The following TRHDE variants were observed in gnomAD, a reference collection of about 807,000 sequenced individuals.
The protein encoded by TRHDE is thyrotropin releasing hormone degrading enzyme.
A neutral mutation model predicts 125.7 loss-of-function variants in TRHDE; 72 were observed. That is an observed-to-expected ratio of 0.57 (90% CI 0.47 to 0.70). The LOEUF (loss-of-function observed/expected upper bound fraction) is 0.70. TRHDE is among the 30% of genes least tolerant of loss of function. The pLI, the probability that TRHDE is intolerant of heterozygous loss-of-function variation, is 0.00. For synonymous variants in TRHDE, 509 were observed against 509.1 expected (o/e 1.00, Z 0.00); for missense variants, 1,110 against 1,327.1 (o/e 0.84, Z 2.54).
At chr12:72,249,629 C>A (rs1320793067) in intron 2 of TRHDE, among the ~76,000 whole-genome samples, 1 of 152,088 alleles carries the variant, frequency 6.6e-6, no homozygotes, top group Non-Finnish European at 1.5e-5. Context: ...ATACACACAC[C>A]AGAATGGCTA....
At chr12:72,125,278 T>A (rs1319012378) in intron 2 of TRHDE, among the ~76,000 whole-genome samples, 6 of 152,210 alleles carry the variant, frequency 3.9e-5, no homozygotes, top group Non-Finnish European at 8.8e-5. Flanking sequence ...TGGATCTTTG[T>A]GGTGCAAGAG....
intron 6 of TRHDE, among the ~76,000 whole-genome samples, chr12:72,500,261 T>A (rs539283586): frequency 2.6e-5 from 4 of 152,224 alleles, no homozygotes; most frequent in Non-Finnish European, 5.9e-5. Flanking sequence ...ATCTCTTAGT[T>A]GTTCTAATTT....
intron 6 of TRHDE, among the ~76,000 whole-genome samples, chr12:72,524,548 ATATTT>A (rs747492910): frequency 6.0e-4 from 92 of 152,276 alleles, no homozygotes; most frequent in Non-Finnish European, 1.2e-3. Context: ...CTTGTAATAC[ATATTT>A]TATTTATTAT....
intron 2 of TRHDE, among the ~76,000 whole-genome samples, chr12:72,113,972 A>C (rs1489042961): frequency 6.6e-6 from 1 of 151,964 alleles, no homozygotes; most frequent in Non-Finnish European, 1.5e-5. Flanking sequence ...TTATTTGTTA[A>C]GGTTTTACCT....
intron 1 of TRHDE, among the ~76,000 whole-genome samples, chr12:72,281,014 T>A (rs747277836): frequency 6.6e-6 from 1 of 152,228 alleles, no homozygotes; most frequent in Non-Finnish European, 1.5e-5. Context: ...TCAACAATGA[T>A]GATCAAGTAC....
chr12:72,464,533 A>G (rs149026760), intron 3 of TRHDE, among the ~76,000 whole-genome samples: 1 of 152,308 alleles, frequency 6.6e-6, no homozygotes, highest in East Asian at 1.9e-4. Context: ...CATTTAAACC[A>G]TAGCAGTTGG....
intron 2 of TRHDE, among the ~76,000 whole-genome samples, chr12:72,339,202 C>T (rs2135728017): frequency 6.6e-6 from 1 of 152,278 alleles, no homozygotes; most frequent in East Asian, 1.9e-4. Flanking sequence ...TAAATTTTCA[C>T]TGTCCTGAAG....
At chr12:72,156,064 CTTTG>C (rs1876499173) in intron 2 of TRHDE, among the ~76,000 whole-genome samples, 1 of 152,196 alleles carries the variant, frequency 6.6e-6, no homozygotes, top group African/African-American at 2.4e-5. Context: ...TTCCAGGCTG[CTTTG>C]TTTACCTACT....
At chr12:72,236,462 T>C (rs1878339863) in intron 2 of TRHDE, among the ~76,000 whole-genome samples, 1 of 152,210 alleles carries the variant, frequency 6.6e-6, no homozygotes, top group African/African-American at 2.4e-5. Flanking sequence ...TCAATCATTA[T>C]TTATGTCAAA....
chr12:72,521,444 G>C (rs73146948), intron 6 of TRHDE, among the ~76,000 whole-genome samples: 5,127 of 152,136 alleles, frequency 0.034, 100 homozygotes, highest in Non-Finnish European at 0.049. Context: ...TGGTGTAGAG[G>C]GGAGAGTGTG....
chr12:72,461,022 A>G (rs1329053778), intron 3 of TRHDE, among the ~76,000 whole-genome samples: 1 of 152,166 alleles, frequency 6.6e-6, no homozygotes, highest in Non-Finnish European at 1.5e-5. Flanking sequence ...ATGAAAAAAA[A>G]ATCTTTTGAA....
intron 15 of TRHDE, among the ~76,000 whole-genome samples, chr12:72,640,322 C>G (rs1873996845): frequency 6.6e-6 from 1 of 152,252 alleles, no homozygotes. Flanking sequence ...CCCTGACCCC[C>G]TGCGCTTCCC....
chr12:72,652,650 G>A (rs781022379), intron 16 of TRHDE, among the ~76,000 whole-genome samples, 161 bp downstream of exon 16: 20 of 150,992 alleles, frequency 1.3e-4, no homozygotes, highest in Non-Finnish European at 3.0e-4. Flanking sequence ...AAAGCTACTT[G>A]ATTTCAGAGG....
intron 3 of TRHDE, among the ~76,000 whole-genome samples, chr12:72,432,290 G>A (rs1345204006): frequency 6.6e-6 from 1 of 152,150 alleles, no homozygotes; most frequent in East Asian, 1.9e-4. Context: ...CCAAGAAGCT[G>A]GAGCTGCTTG....
intron 2 of TRHDE, among the ~76,000 whole-genome samples, chr12:72,347,480 C>T (rs960985936): frequency 1.3e-4 from 19 of 151,974 alleles, no homozygotes; most frequent in African/African-American, 1.9e-4. Flanking sequence ...GTTAGCAATC[C>T]GAATGCAGTT....
At chr12:72,467,862 T>C (rs1876459534) in intron 3 of TRHDE, among the ~76,000 whole-genome samples, 2 of 152,132 alleles carry the variant, frequency 1.3e-5, no homozygotes, top group Admixed American at 6.6e-5. Context: ...GCTGAGAAGA[T>C]AATTTTTAAA....
chr12:72,666,562 A>C lies in TRHDE; in HGVS notation c.*3367A>C, dbSNP rs1303213523. On this transcript the variant is annotated 3_prime_UTR_variant, in exon 19 of 19. Transcript: ENST00000261180. ...GATCCTGTCTCTAAAAAAATAAAAT[A>C]AAATCACAATGTTTGTTGTTATTTT... is the stretch of plus-strand genomic sequence containing the variant. The C allele has an allele frequency of 6.6e-6, 1 of 152,064 alleles. No homozygotes were observed. Among genetic ancestry groups the C allele is most frequent in the Non-Finnish European group, 1.5e-5 (1 of 68,002 alleles). The allele number at this position is 152,064 out of a possible 1,614,324, so 9.4% of individuals were successfully genotyped here. A position where few individuals can be genotyped will look rare whatever the true frequency, so the allele number is the denominator to read the frequency against.
intron 2 of TRHDE, among the ~76,000 whole-genome samples, chr12:72,142,857 T>C (rs1876148309): frequency 6.6e-6 from 1 of 151,966 alleles, no homozygotes; most frequent in Non-Finnish European, 1.5e-5. Flanking sequence ...GGGAAGGTCA[T>C]CTTCCCACTC....
intron 2 of TRHDE, among the ~76,000 whole-genome samples, chr12:72,198,681 G>C (rs1877492845): frequency 6.6e-6 from 1 of 152,128 alleles, no homozygotes; most frequent in African/African-American, 2.4e-5. Context: ...ATATCTGTGG[G>C]CCTTTCTTAT....
Sources: allele counts gnomAD v4.1 joint callset (sites outside exome capture counted in the v4.1 genomes callset), GRCh38; gene constraint gnomAD v4.1.1; transcripts MANE v1.5; gene names NCBI Gene and HGNC (gene_info 2026-07-23, HGNC 2026-07-21).